The following UBE2D2 variants were observed in gnomAD, a reference collection of about 807,000 sequenced individuals.
UBE2D2 encodes the protein ubiquitin conjugating enzyme E2 D2.
In UBE2D2, 2 loss-of-function variants were observed where a neutral mutation model predicts 24.2. The ratio of observed to expected loss-of-function variants is 0.08; its 90% CI spans 0.03 to 0.26. UBE2D2 has a LOEUF of 0.26. UBE2D2 is among the 10% of genes least tolerant of loss of function. The pLI is 1.00. For missense variants in UBE2D2, 44 were observed against 177.6 expected (o/e 0.25, Z 4.28); for synonymous variants, 58 against 56.5 (o/e 1.03, Z -0.12).
intron 1 of UBE2D2, among the ~76,000 whole-genome samples, chr5:139,582,405 T>G (rs944360188): frequency 2.6e-5 from 4 of 151,818 alleles, no homozygotes; most frequent in Non-Finnish European, 5.9e-5. Context: ...GAGACGGGGT[T>G]TCACAATGTT....
At chr5:139,537,489 T>G (rs1752700907) in intron 1 of UBE2D2, among the ~76,000 whole-genome samples, 1 of 151,962 alleles carries the variant, frequency 6.6e-6, no homozygotes, top group African/African-American at 2.4e-5. Flanking sequence ...TTGCTTTGTT[T>G]TGTTTTGAGA....
intron 1 of UBE2D2, among the ~76,000 whole-genome samples, chr5:139,587,795 A>C (rs1000146935): frequency 6.6e-6 from 1 of 151,936 alleles, no homozygotes; most frequent in Non-Finnish European, 1.5e-5. Flanking sequence ...AGCCATTGCC[A>C]GCTCAAATGC....
chr5:139,569,814 T>C (rs1753313583), intron 1 of UBE2D2, among the ~76,000 whole-genome samples: 1 of 152,216 alleles, frequency 6.6e-6, no homozygotes, highest in African/African-American at 2.4e-5. Flanking sequence ...CCATGTGTTA[T>C]CCTTACATAG....
At chr5:139,568,700 C>T (rs1051133414) in intron 1 of UBE2D2, among the ~76,000 whole-genome samples, 17 of 152,006 alleles carry the variant, frequency 1.1e-4, no homozygotes, top group African/African-American at 1.9e-4. Flanking sequence ...AGGCCGGGCG[C>T]GGTGACTCAC....
intron 1 of UBE2D2, among the ~76,000 whole-genome samples, chr5:139,549,628 C>A (rs530071745): frequency 6.6e-6 from 1 of 152,224 alleles, no homozygotes; most frequent in African/African-American, 2.4e-5. Context: ...ACACCCTCCC[C>A]CTACACCGTG....
chr5:139,545,132 C>A (rs1354811110), intron 1 of UBE2D2, among the ~76,000 whole-genome samples: 4 of 151,732 alleles, frequency 2.6e-5, no homozygotes, highest in Admixed American at 2.6e-4. Context: ...ACATACAGAT[C>A]TAACTCGATC....
chr5:139,600,772 C>T (rs1390005213), intron 2 of UBE2D2, among the ~76,000 whole-genome samples: 1 of 152,110 alleles, frequency 6.6e-6, no homozygotes, highest in Admixed American at 6.6e-5. Flanking sequence ...GTCTGACTTT[C>T]TACTGACTCA....
chr5:139,561,695 C>A lies in UBE2D2; in HGVS notation c.-97C>A. The A allele has an allele frequency of 1.0e-6, 1 of 971,600 alleles. No homozygotes were observed. The allele number at this position is 971,600 out of a possible 1,614,324, so 60.2% of individuals were successfully genotyped here. On this transcript the variant is annotated 5_prime_UTR_variant, in exon 1 of 7. Coordinates refer to ENST00000398733, the MANE Select transcript of UBE2D2 (RefSeq NM_003339.3). ...CAACTCTCCATCTTCTCCTGCCGACCGAGATCGCCGAGGCGGCCTCAGGCT... is the reference window on the plus strand; with the variant it reads ...CAACTCTCCATCTTCTCCTGCCGACAGAGATCGCCGAGGCGGCCTCAGGCT...
At chr5:139,620,682 C>G (rs1411480594) in intron 5 of UBE2D2, among the ~76,000 whole-genome samples, 3 of 152,210 alleles carry the variant, frequency 2.0e-5, no homozygotes, top group Non-Finnish European at 4.4e-5. Flanking sequence ...CCAACTATTT[C>G]TTTACTTCTC....
chr5:139,560,020 T>G (rs1753039496), upstream of UBE2D2, among the ~76,000 whole-genome samples: 2 of 150,136 alleles, frequency 1.3e-5, no homozygotes, highest in South Asian at 4.2e-4. Context: ...GATGGGTATC[T>G]GGAGCACGAG....
intron 1 of UBE2D2, among the ~76,000 whole-genome samples, chr5:139,539,058 T>C (rs1288234837): frequency 6.6e-6 from 1 of 151,932 alleles, no homozygotes; most frequent in East Asian, 1.9e-4. Flanking sequence ...GGCGTCTCGC[T>C]CTGTCGCCCA....
intron 1 of UBE2D2, among the ~76,000 whole-genome samples, chr5:139,593,216 T>C (rs1753883216): frequency 6.7e-6 from 1 of 150,004 alleles, no homozygotes; most frequent in Non-Finnish European, 1.5e-5. Context: ...GGCTGGTCTC[T>C]ATCTCTTGAC....
At chr5:139,542,550 A>G in intron 1 of UBE2D2, among the ~76,000 whole-genome samples, 1 of 152,060 alleles carries the variant, frequency 6.6e-6, no homozygotes, top group East Asian at 1.9e-4. Context: ...CAAACCCCTG[A>G]CCTCAAATCA....
chr5:139,548,495 G>A (rs1203792084), intron 1 of UBE2D2, among the ~76,000 whole-genome samples: 1 of 152,042 alleles, frequency 6.6e-6, no homozygotes, highest in African/African-American at 2.4e-5. Flanking sequence ...AGTGGTTGAG[G>A]CCTCTGGGAA....
intron 1 of UBE2D2, among the ~76,000 whole-genome samples, chr5:139,584,528 CTTTTCTTTTT>C (rs1251683919): frequency 5.6e-5 from 7 of 125,088 alleles, no homozygotes; most frequent in Non-Finnish European, 9.6e-5. Flanking sequence ...TTTTTCTTTT[CTTTTCTTTTT>C]TTTTTTTTTT....
rs541835472 is a variant in UBE2D2 at position 139,626,030 on chromosome 5, AC to A, written c.399-724del. On this transcript the variant is annotated intron_variant, in intron 6 of 6. Transcript: ENST00000398733. ...AATTGTTGAAATTAGTTCTACCAGA[AC>A]CAATTGTTTTATTGATATGAAAGGA... Among the ~76,000 whole-genome samples the A allele has an allele frequency of 2.9e-3, 445 of 152,158 alleles. 4 individuals carry two copies. Among genetic ancestry groups the A allele is most frequent in the African/African-American group, 8.9e-3 (368 of 41,522 alleles).
chr5:139,547,835 C>T (rs1370404007), intron 1 of UBE2D2, among the ~76,000 whole-genome samples: 2 of 152,012 alleles, frequency 1.3e-5, no homozygotes, highest in East Asian at 2.0e-4. Flanking sequence ...GCTGGGATTA[C>T]AGGCGCCTGC....
At chr5:139,594,852 A>G (rs1452122873) in intron 1 of UBE2D2, among the ~76,000 whole-genome samples, 1 of 152,180 alleles carries the variant, frequency 6.6e-6, no homozygotes, top group Non-Finnish European at 1.5e-5. Context: ...TTCCATGGAT[A>G]CCAAAATCTA....
At chr5:139,596,328 C>T (rs1277346015) in intron 1 of UBE2D2, among the ~76,000 whole-genome samples, 2 of 151,698 alleles carry the variant, frequency 1.3e-5, no homozygotes, top group Non-Finnish European at 2.9e-5. Context: ...GAGTCTCGCT[C>T]TGTCACCCAG....
Sources: gnomAD v4.1 joint callset for allele counts (sites outside exome capture counted in the v4.1 genomes callset) on GRCh38, gnomAD v4.1.1 for gene constraint, MANE v1.5 for transcripts, NCBI Gene and HGNC (gene_info 2026-07-23, HGNC 2026-07-21) for gene names.